WDR59: variants seen among roughly 807,000 people sequenced by gnomAD.
WDR59 encodes the protein WD repeat domain 59, also known as GATOR2 complex protein WDR59.
A neutral mutation model predicts 131.2 loss-of-function variants in WDR59; 100 were observed. The ratio of observed to expected loss-of-function variants is 0.76; its 90% CI spans 0.65 to 0.90. The LOEUF (loss-of-function observed/expected upper bound fraction) is 0.90, where lower values mean the gene tolerates loss of function less well. Among genes scored for constraint, WDR59 ranks in the 40% least tolerant of loss-of-function variants. WDR59 has a pLI of 0.00. For synonymous variants in WDR59, 601 were observed against 466.2 expected (o/e 1.29, Z -3.72); for missense variants, 1,203 against 1,262.2 (o/e 0.95, Z 0.71).
chr16:74,970,547 C>A (rs1174966358), intron 1 of WDR59, among the ~76,000 whole-genome samples: 1 of 141,344 alleles, frequency 7.1e-6, no homozygotes, highest in Non-Finnish European at 1.5e-5. Context: ...CCAAGGACCT[C>A]TCTAAGCAGG....
chr16:74,876,742 C>T (rs1444615338), intron 25 of WDR59, among the ~76,000 whole-genome samples: 4 of 152,086 alleles, frequency 2.6e-5, no homozygotes, highest in African/African-American at 9.7e-5. Context: ...TTGCCTCTGC[C>T]CTGTATATAC....
chr16:74,912,391 A>G (rs1164612945), intron 13 of WDR59, 29 bp from the exon 14 acceptor site: 1 of 1,600,138 alleles, frequency 6.2e-7, no homozygotes, highest in Non-Finnish European at 8.5e-7. Context: ...CAATTGCTGT[A>G]GAAACAAACC....
chr16:74,979,391 G>A (rs1274768807), intron 1 of WDR59, among the ~76,000 whole-genome samples: 2 of 151,488 alleles, frequency 1.3e-5, no homozygotes, highest in Admixed American at 6.6e-5. Flanking sequence ...GCATGAACCC[G>A]GGAGGCGGAG....
At chr16:74,891,981 T>C (rs1427239688) in intron 20 of WDR59, among the ~76,000 whole-genome samples, 2 of 152,120 alleles carry the variant, frequency 1.3e-5, no homozygotes, top group African/African-American at 2.4e-5. Context: ...GCAAATTGCA[T>C]GGTAGATGGG....
intron 8 of WDR59, among the ~76,000 whole-genome samples, chr16:74,937,105 C>A (rs1040589929): frequency 6.6e-6 from 1 of 152,166 alleles, no homozygotes; most frequent in African/African-American, 2.4e-5. Context: ...TCCTCAGAGA[C>A]CTGACCACAA....
intron 17 of WDR59, 111 bp from the exon 18 acceptor site, chr16:74,904,211 A>C (rs1033039081): frequency 1.5e-6 from 2 of 1,326,400 alleles, no homozygotes. Context: ...GAGAAGATGG[A>C]AACTCCAGAA....
At chr16:74,922,617 G>A (rs904444411) in intron 9 of WDR59, among the ~76,000 whole-genome samples, 1 of 152,188 alleles carries the variant, frequency 6.6e-6, no homozygotes, top group Non-Finnish European at 1.5e-5. Context: ...CTTCAGGACT[G>A]ACATGTTTTA....
intron 18 of WDR59, among the ~76,000 whole-genome samples, chr16:74,901,122 A>G (rs113641563): frequency 2.0e-5 from 3 of 152,096 alleles, no homozygotes; most frequent in African/African-American, 7.2e-5. Context: ...AAAAAACTCT[A>G]TACTGGCTGG....
At position 74,936,144 on chromosome 16, in the gene WDR59, A is replaced by G. The variant is rs549926854; in HGVS notation, c.651+2006T>C. On this transcript the variant is annotated intron_variant, in intron 8 of 25. Coordinates refer to ENST00000262144, the MANE Select transcript of WDR59 (RefSeq NM_030581.4). ...GGGAAATAATGCCCCAGCCTCCCAAAGTGCTGGGATTATAGGCATGAGCCA... is the reference window on the plus strand; with the variant it reads ...GGGAAATAATGCCCCAGCCTCCCAAGGTGCTGGGATTATAGGCATGAGCCA... Among the ~76,000 whole-genome samples, 218 of 152,286 alleles carry G rather than the reference A, an allele frequency of 1.4e-3. 2 individuals are homozygous for G. The highest frequency in any genetic ancestry group is 5.0e-3 in the African/African-American group (206 of 41,576).
intron 6 of WDR59, among the ~76,000 whole-genome samples, chr16:74,943,389 G>A (rs1205527637): frequency 1.3e-5 from 2 of 152,042 alleles, no homozygotes; most frequent in East Asian, 1.9e-4. Flanking sequence ...TATGTCAGCC[G>A]TGGCCACTGG....
rs1965607007 is a variant in WDR59, at chr16:74,902,597, C to CA, written c.1866+1349dup. Among the ~76,000 whole-genome samples, 3 of 152,058 alleles carry CA rather than the reference C, an allele frequency of 2.0e-5. No individual in the cohort carries two copies. In the South Asian group the frequency reaches 6.2e-4, roughly 32 times the overall value. ...AATCTGAACCCAAGCATGGGTGGCA[C>CA]ACGACACAAATCGGAGAGGAATTCA... On this transcript the variant is annotated intron_variant, in intron 18 of 25. Transcript: ENST00000262144.
At chr16:74,942,152 T>C (rs990378372) in intron 7 of WDR59, among the ~76,000 whole-genome samples, 6 of 152,138 alleles carry the variant, frequency 3.9e-5, no homozygotes, top group African/African-American at 1.4e-4. Flanking sequence ...GACCCAGCAC[T>C]GTTTCCATCT....
intron 17 of WDR59, among the ~76,000 whole-genome samples, chr16:74,907,397 G>C (rs1429164180): frequency 6.6e-6 from 1 of 152,200 alleles, no homozygotes; most frequent in Non-Finnish European, 1.5e-5. Context: ...ATGATAGTGA[G>C]TGAGTTCTCA....
intron 6 of WDR59, among the ~76,000 whole-genome samples, chr16:74,946,629 G>T (rs566895843): frequency 1.3e-5 from 2 of 152,168 alleles, no homozygotes; most frequent in African/African-American, 4.8e-5. Context: ...GGCGGAGGTG[G>T]GAGAAACGCT....
chr16:74,977,088 T>C (rs1324056514), intron 1 of WDR59, among the ~76,000 whole-genome samples: 2 of 152,178 alleles, frequency 1.3e-5, no homozygotes, highest in African/African-American at 4.8e-5. Flanking sequence ...AGACAGCACA[T>C]AGCTGGGAGT....
At position 74,909,914 on chromosome 16, in the gene WDR59, G is replaced by A; in HGVS notation, c.1393C>T (p.Leu465=). The A allele has an allele frequency of 1.2e-6, 2 of 1,607,290 alleles. No individual in the cohort carries two copies. Among genetic ancestry groups the A allele is most frequent in the Middle Eastern group, 1.9e-4 (1 of 5,400 alleles). The part of the protein sequence containing the change: ...STMKAKLLKI[L]KDTALQKVKR... ...ACTTTCTGCAGGGCTGTGTCCTTCA[G>A]GATCTAGAAAAGGCCCAAAACACAG... Residue 465 remains leucine, a synonymous_variant, in exon 15 of 26, where the codon CTG becomes TTG. Coordinates refer to ENST00000262144, the MANE Select transcript of WDR59 (RefSeq NM_030581.4).
At chr16:74,912,395 A>G (rs1383026036) in intron 13 of WDR59, 33 bp from the exon 14 acceptor site, 14 of 1,598,486 alleles carry the variant, frequency 8.8e-6, no homozygotes, top group Non-Finnish European at 1.2e-5. Flanking sequence ...TGCTGTAGAA[A>G]CAAACCATAA....
chr16:74,886,756 C>T (rs1427100883), intron 23 of WDR59, among the ~76,000 whole-genome samples: 2 of 151,904 alleles, frequency 1.3e-5, no homozygotes, highest in Non-Finnish European at 2.9e-5. Flanking sequence ...TATGTCTTTA[C>T]TTAAAAAAAT....
At chr16:74,919,418 G>C (rs2029944314) in intron 10 of WDR59, among the ~76,000 whole-genome samples, 1 of 151,580 alleles carries the variant, frequency 6.6e-6, no homozygotes, top group Non-Finnish European at 1.5e-5. Flanking sequence ...GCAACAACCT[G>C]CACCTCCTGG....
Sources: allele counts gnomAD v4.1 joint callset (sites outside exome capture counted in the v4.1 genomes callset), GRCh38; gene constraint gnomAD v4.1.1; transcripts MANE v1.5; gene names NCBI Gene and HGNC (gene_info 2026-07-23, HGNC 2026-07-21).